Variants in AUTS2 observed in about 807,000 individuals in gnomAD.
The protein encoded by AUTS2 is activator of transcription and developmental regulator AUTS2, also known as autism susceptibility gene 2 protein.
A neutral mutation model predicts 112.4 loss-of-function variants in AUTS2; 17 were observed. That is an observed-to-expected ratio of 0.15 (90% CI 0.10 to 0.23). The LOEUF is 0.23. AUTS2 is among the 10% of genes least tolerant of loss of function. AUTS2 has a pLI of 1.00. For missense variants in AUTS2, 1,510 were observed against 1,701.6 expected, an observed-to-expected ratio of 0.89 and a Z score of 1.98; for synonymous variants, 751 against 702.7, an observed-to-expected ratio of 1.07 and a Z score of -1.09.
chr7:70,535,475 C>T (rs1264612567), intron 5 of AUTS2, among the ~76,000 whole-genome samples: 5 of 152,168 alleles, frequency 3.3e-5, no homozygotes, highest in Middle Eastern at 3.4e-3. Flanking sequence ...AGTGCAGTGG[C>T]GTGATCTCGG....
chr7:69,906,661 G>A (rs1201884898), intron 2 of AUTS2, among the ~76,000 whole-genome samples: 1 of 152,240 alleles, frequency 6.6e-6, no homozygotes, highest in African/African-American at 2.4e-5. Context: ...GCAATTCTGT[G>A]TGGTAAATGT....
chr7:69,983,432 C>G (rs1046552624), intron 2 of AUTS2, among the ~76,000 whole-genome samples: 2 of 151,448 alleles, frequency 1.3e-5, no homozygotes, highest in Admixed American at 1.3e-4. Flanking sequence ...TTGTTCTCAT[C>G]ATCTGAGTTA....
At chr7:70,678,104 T>C (rs1230883052) in intron 5 of AUTS2, among the ~76,000 whole-genome samples, 1 of 151,926 alleles carries the variant, frequency 6.6e-6, no homozygotes, top group East Asian at 1.9e-4. Flanking sequence ...TAAATAATAA[T>C]AATAATAATT....
chr7:70,349,067 A>G (rs942197379), intron 4 of AUTS2, among the ~76,000 whole-genome samples: 1 of 152,208 alleles, frequency 6.6e-6, no homozygotes, highest in Admixed American at 6.5e-5. Flanking sequence ...TCCAAACCCC[A>G]TATGAAGTAG....
chr7:69,735,907 C>A (rs190904715), intron 1 of AUTS2, among the ~76,000 whole-genome samples: 1 of 152,280 alleles, frequency 6.6e-6, no homozygotes, highest in East Asian at 1.9e-4. Flanking sequence ...TTTAAAAGTC[C>A]TTTCTAACAT....
Position 70,364,440 on chromosome 7 carries a change from C to A in AUTS2, c.661-71312C>A, listed in dbSNP as rs145890823. On this transcript the variant is annotated intron_variant, in intron 4 of 18. Coordinates refer to ENST00000342771, the MANE Select transcript of AUTS2 (RefSeq NM_015570.4). ...AATTAGCTGGGCATGGTGGCACGTG[C>A]CTGTAGTCCCAGCTACTTGGGAAGC... is the stretch of plus-strand genomic sequence containing the variant. 3.5e-3 allele frequency among the ~76,000 whole-genome samples: 531 copies of A among 151,992 alleles called. 3 individuals carry two copies. The highest frequency in any genetic ancestry group is 0.012 in the African/African-American group (483 of 41,484).
intron 5 of AUTS2, among the ~76,000 whole-genome samples, chr7:70,606,854 C>G (rs11764854): frequency 0.12 from 17,068 of 143,464 alleles, 1,130 homozygotes; most frequent in Middle Eastern, 0.23. Flanking sequence ...AAGCGAGACT[C>G]TGTCTCAAGA....
intron 5 of AUTS2, among the ~76,000 whole-genome samples, chr7:70,573,597 G>A (rs1802039982): frequency 6.6e-6 from 1 of 152,336 alleles, no homozygotes; most frequent in South Asian, 2.1e-4. Flanking sequence ...ACAGTATTCA[G>A]TGGTTAGACG....
intron 1 of AUTS2, chr7:69,663,352 G>T (rs1196815949): frequency 6.6e-6 from 1 of 151,948 alleles, no homozygotes; most frequent in Non-Finnish European, 1.5e-5. Context: ...AGGTAGTTAA[G>T]AGGGAAATCT....
At chr7:69,983,179 A>G (rs1798366049) in intron 2 of AUTS2, among the ~76,000 whole-genome samples, 5 of 152,176 alleles carry the variant, frequency 3.3e-5, no homozygotes, top group Admixed American at 3.3e-4. Context: ...TTTTCTTACA[A>G]CATTTGCCCT....
chr7:69,860,361 A>AT (rs1246727653), intron 1 of AUTS2, among the ~76,000 whole-genome samples: 3 of 151,986 alleles, frequency 2.0e-5, no homozygotes, highest in East Asian at 3.9e-4. Context: ...AAAACTTTCT[A>AT]TTTTTTTAGA....
rs1174024336 is a variant in AUTS2, at chr7:70,790,075, G to T, written c.2859G>T (p.Arg953Ser). The T allele has an allele frequency of 6.3e-7, 1 of 1,577,354 alleles. No homozygotes were observed. Among genetic ancestry groups the T allele is most frequent in the South Asian group, 1.2e-5 (1 of 86,822 alleles). ...YVRTPVVESA[R>S]PNSTSSREAE... Reference sequence around the variant, plus strand: ...GGACCCCGGTGGTGGAGAGTGCCAGGCCCAACAGCACCTCGAGCCGGGAGG... The same window carrying T: ...GGACCCCGGTGGTGGAGAGTGCCAGTCCCAACAGCACCTCGAGCCGGGAGG... The change falls in exon 19 of 19, where the codon AGG becomes AGT. Residue 953 changes from arginine (R) to serine (S), a missense_variant. Arg to Ser is a moderately radical substitution (Grantham distance 110, BLOSUM62 -1). Transcript: ENST00000342771. This position sits in a 1 kb window ranked among gnomAD's most constrained non-coding sequence, Gnocchi z 7.6.
intron 4 of AUTS2, among the ~76,000 whole-genome samples, chr7:70,365,481 A>G (rs899947312): frequency 6.6e-6 from 1 of 152,228 alleles, no homozygotes; most frequent in African/African-American, 2.4e-5. Context: ...TGACACATAT[A>G]AAGCACCTGC....
chr7:70,073,684 A>G (rs1802894681), intron 2 of AUTS2, among the ~76,000 whole-genome samples: 1 of 152,172 alleles, frequency 6.6e-6, no homozygotes, highest in African/African-American at 2.4e-5. Flanking sequence ...TTTACCAAAA[A>G]AAGTGAATTA....
intron 4 of AUTS2, among the ~76,000 whole-genome samples, chr7:70,413,917 T>G (rs1195738522): frequency 1.3e-5 from 2 of 152,090 alleles, no homozygotes; most frequent in Non-Finnish European, 2.9e-5. Context: ...TCAAGCAATA[T>G]GCCCGCCTCG....
At chr7:70,607,420 GA>G (rs1180327411) in intron 5 of AUTS2, among the ~76,000 whole-genome samples, 1 of 152,192 alleles carries the variant, frequency 6.6e-6, no homozygotes, top group African/African-American at 2.4e-5. Flanking sequence ...GTACAGAGAA[GA>G]AGAAAGCAGT....
At chr7:70,330,286 T>C (rs1790682784) in intron 4 of AUTS2, among the ~76,000 whole-genome samples, 1 of 152,190 alleles carries the variant, frequency 6.6e-6, no homozygotes, top group Non-Finnish European at 1.5e-5. Flanking sequence ...TTGATCCACG[T>C]TGAATTAATT....
intron 2 of AUTS2, among the ~76,000 whole-genome samples, chr7:70,068,694 A>G (rs1490540578): frequency 9.9e-5 from 15 of 152,220 alleles, no homozygotes; most frequent in Admixed American, 9.8e-4. Flanking sequence ...AGCTTAAGAA[A>G]AGAAAAGCAA....
intron 1 of AUTS2, among the ~76,000 whole-genome samples, chr7:69,845,152 A>G (rs1483454107): frequency 2.0e-5 from 3 of 152,196 alleles, no homozygotes; most frequent in Non-Finnish European, 4.4e-5. Context: ...GATGGCTGCC[A>G]TTGTTTCAGA....
Sources: gnomAD v4.1 joint callset for allele counts (sites outside exome capture counted in the v4.1 genomes callset) on GRCh38, gnomAD v4.1.1 for gene constraint, Gnocchi (gnomAD v3.1) non-coding constraint, MANE v1.5 for transcripts, NCBI Gene and HGNC (gene_info 2026-07-23, HGNC 2026-07-21) for gene names.